Variants in NRG1 observed in about 807,000 individuals in gnomAD.
NRG1 encodes the protein pro-neuregulin-1, membrane-bound isoform.
In NRG1, 18 loss-of-function variants were observed where a neutral mutation model predicts 63.8. The ratio of observed to expected loss-of-function variants is 0.28; its 90% confidence interval spans 0.19 to 0.42. The LOEUF (loss-of-function observed/expected upper bound fraction) is 0.42. NRG1 is among the 10% of genes least tolerant of loss of function. NRG1 has a pLI of 1.00. For missense variants in NRG1, 762 were observed against 814.7 expected (o/e 0.94, Z 0.79); for synonymous variants, 302 against 301.3 (o/e 1.00, Z -0.02).
chr8:32,770,777 C>T (rs1338063732), downstream of NRG1, among the ~76,000 whole-genome samples: 4 of 152,196 alleles, frequency 2.6e-5, no homozygotes, highest in South Asian at 4.1e-4. Flanking sequence ...CTCCAAGTTT[C>T]CTTCCTGATT....
At chr8:32,247,789 C>T (rs752866259) in intron 1 of NRG1, among the ~76,000 whole-genome samples, 8 of 152,040 alleles carry the variant, frequency 5.3e-5, no homozygotes, top group Non-Finnish European at 1.0e-4. Context: ...AAACTCAATA[C>T]ACAATATAGG....
intron 1 of NRG1, among the ~76,000 whole-genome samples, chr8:31,751,574 G>C (rs1816466638): frequency 6.6e-6 from 1 of 151,980 alleles, no homozygotes; most frequent in African/African-American, 2.4e-5. Flanking sequence ...GCAATGGGAA[G>C]CTTGAATCAA....
intron 1 of NRG1, among the ~76,000 whole-genome samples, chr8:31,887,006 A>C (rs1370058814): frequency 1.3e-5 from 2 of 152,080 alleles, no homozygotes; most frequent in Non-Finnish European, 2.9e-5. Context: ...TCTTCTTGCT[A>C]TCACGGTAAT....
intron 1 of NRG1, among the ~76,000 whole-genome samples, chr8:32,493,603 T>C (rs1826852541): frequency 1.3e-5 from 2 of 152,208 alleles, no homozygotes; most frequent in Non-Finnish European, 2.9e-5. Flanking sequence ...AATGGCAGCA[T>C]TTCCCCGTGC....
Position 31,852,534 on chromosome 8 carries a change from A to G in NRG1, c.37+213103A>G, listed in dbSNP as rs1214182571. 4.6e-5 allele frequency among the ~76,000 whole-genome samples: 7 copies of G among 151,970 alleles called. No homozygotes were observed. In the East Asian group the frequency reaches 9.7e-4, roughly 21 times the overall value. Reference sequence around the variant, plus strand: ...GCCCTATGTCAGATGAGTAGGTTGCAAAAATTTTCTCCCATTTTGTAGGTT... The same window carrying G: ...GCCCTATGTCAGATGAGTAGGTTGCGAAAATTTTCTCCCATTTTGTAGGTT... On this transcript the variant is annotated intron_variant, in intron 1 of 10. Coordinates refer to the NRG1 transcript ENST00000519301.
At position 32,608,093 on chromosome 8, in the gene NRG1, T is replaced by TTTTTTTTTG. The variant is rs1563756351; in HGVS notation, c.400+2418_400+2419insGTTTTTTTT. Among the ~76,000 whole-genome samples the TTTTTTTTTG allele has an allele frequency of 1.5e-4, 15 of 97,330 alleles. 1 individual carries two copies. The highest frequency in any genetic ancestry group is 4.4e-4 in the African/African-American group (7 of 16,078). The allele number at this position is 97,330 out of a possible 152,430, so 63.9% of individuals were successfully genotyped here. A position where few individuals can be genotyped will look rare whatever the true frequency, so the allele number is the denominator to read the frequency against. On this transcript the variant is annotated intron_variant, in intron 3 of 11. Coordinates refer to ENST00000356819, the Ensembl canonical transcript of NRG1. ...GAGATATGAACCCAGGTTTTTTTTG[T>TTTTTTTTTG]TTTTTTTTTTTTTGTTTTTTTTTTT...
At chr8:32,205,547 C>T (rs754975294) in intron 1 of NRG1, among the ~76,000 whole-genome samples, 32 of 152,138 alleles carry the variant, frequency 2.1e-4, no homozygotes, top group Non-Finnish European at 3.7e-4. Context: ...GTAAGCACGA[C>T]CTCTCTGGCA....
intron 1 of NRG1, among the ~76,000 whole-genome samples, chr8:31,682,318 G>A (rs538572668): frequency 3.0e-4 from 46 of 152,070 alleles, no homozygotes; most frequent in South Asian, 2.3e-3. Context: ...CCACATCCTC[G>A]CCATTATGTG....
chr8:31,919,358 C>G (rs1448334109), intron 1 of NRG1, among the ~76,000 whole-genome samples: 3 of 148,438 alleles, frequency 2.0e-5, no homozygotes, highest in Non-Finnish European at 4.5e-5. Context: ...CAACCAAATA[C>G]AATAAAAAAA....
At position 32,710,233 on chromosome 8, in the gene NRG1, G is replaced by A. The variant is rs147006235; in HGVS notation, c.503-17716G>A. ...AAAGAAAATTACAAGTCAACAAAATGAACCTAACATCAAATGTCCCTGGAG... is the reference window on the plus strand; with the variant it reads ...AAAGAAAATTACAAGTCAACAAAATAAACCTAACATCAAATGTCCCTGGAG... On this transcript the variant is annotated intron_variant, in intron 5 of 11. Coordinates refer to ENST00000356819, the Ensembl canonical transcript of NRG1. 1.5e-3 allele frequency among the ~76,000 whole-genome samples: 226 copies of A among 152,272 alleles called. 2 individuals carry two copies. The highest frequency in any genetic ancestry group is 5.2e-3 in the African/African-American group (215 of 41,568).
Position 32,070,924 on chromosome 8 carries a change from C to T in NRG1, c.37+431493C>T, listed in dbSNP as rs114038897. 4.4e-3 allele frequency among the ~76,000 whole-genome samples: 675 copies of T among 152,318 alleles called. 8 individuals are homozygous for T. The highest frequency in any genetic ancestry group is 0.016 in the African/African-American group (647 of 41,580). ...TTCCTGCACTAACCTCTACACCCTG[C>T]GTCCTCCCACCTCACCTCAGCTTCA... On this transcript the variant is annotated intron_variant, in intron 1 of 10. Transcript: ENST00000519301.
At chr8:32,090,288 T>G (rs1364086569) in intron 1 of NRG1, among the ~76,000 whole-genome samples, 2 of 152,262 alleles carry the variant, frequency 1.3e-5, no homozygotes, top group Non-Finnish European at 2.9e-5. Flanking sequence ...CATATATTGA[T>G]AAATTTACAT....
intron 1 of NRG1, among the ~76,000 whole-genome samples, chr8:31,777,058 C>G (rs908132722): frequency 6.6e-6 from 1 of 152,018 alleles, no homozygotes; most frequent in Non-Finnish European, 1.5e-5. Flanking sequence ...ATAGCGAAGA[C>G]TTGGAACCCA....
chr8:31,862,723 C>T (rs1439053223), intron 1 of NRG1, among the ~76,000 whole-genome samples: 1 of 152,154 alleles, frequency 6.6e-6, no homozygotes, highest in Non-Finnish European at 1.5e-5. Context: ...TTCAAATATG[C>T]AGCCTTTATG....
At chr8:32,218,048 T>G (rs1845426742) in intron 1 of NRG1, among the ~76,000 whole-genome samples, 1 of 152,252 alleles carries the variant, frequency 6.6e-6, no homozygotes, top group Non-Finnish European at 1.5e-5. Flanking sequence ...TGAAAAATGA[T>G]GGATAGTTAT....
At chr8:31,892,357 C>A (rs1191903445) in intron 1 of NRG1, among the ~76,000 whole-genome samples, 2 of 152,022 alleles carry the variant, frequency 1.3e-5, no homozygotes, top group Admixed American at 6.6e-5. Context: ...TGTTTCATTT[C>A]TGTTTTAGTA....
In NRG1 at chr8:32,481,319, A is replaced by G. The variant is rs374974207; in HGVS notation, c.38-114509A>G. 2.6e-5 allele frequency among the ~76,000 whole-genome samples: 4 copies of G among 151,430 alleles called. No homozygotes were observed. In the East Asian group the frequency reaches 5.9e-4, roughly 22 times the overall value. ...GCACCACTGCACACCAGCCTGGGTA[A>G]CCCATTGAGAACCTGTCTTAATAAA... On this transcript the variant is annotated intron_variant, in intron 1 of 10. Coordinates refer to the NRG1 transcript ENST00000519301.
chr8:31,919,037 T>G (rs980873151), intron 1 of NRG1, among the ~76,000 whole-genome samples: 1 of 152,186 alleles, frequency 6.6e-6, no homozygotes, highest in African/African-American at 2.4e-5. Context: ...TTCTGTGGGA[T>G]CAGTGGTGAT....
At chr8:32,298,894 G>A (rs1262676105) in intron 1 of NRG1, among the ~76,000 whole-genome samples, 1 of 150,742 alleles carries the variant, frequency 6.6e-6, no homozygotes, top group Non-Finnish European at 1.5e-5. Flanking sequence ...GGGGATGGTG[G>A]CATGTACCTG....
Sources: allele counts gnomAD v4.1 joint callset (sites outside exome capture counted in the v4.1 genomes callset), GRCh38; gene constraint gnomAD v4.1.1; transcripts MANE v1.5; gene names NCBI Gene and HGNC (gene_info 2026-07-23, HGNC 2026-07-21).